LILRB5: variants seen among roughly 807,000 people sequenced by gnomAD.
LILRB5 encodes leukocyte immunoglobulin like receptor B5, also known as leukocyte immunoglobulin-like receptor subfamily B member 5.
Under a neutral mutation model 68.4 loss-of-function variants are expected in LILRB5, and 61 were observed. The ratio of observed to expected loss-of-function variants is 0.89; its 90% CI spans 0.73 to 1.10. The LOEUF is 1.10. LILRB5 is among the 50% of genes least tolerant of loss of function. LILRB5 has a pLI of 0.00. For synonymous variants in LILRB5, 356 were observed against 315.8 expected, an observed-to-expected ratio of 1.13 and a Z score of -1.35; for missense variants, 771 against 751.6, an observed-to-expected ratio of 1.03 and a Z score of -0.30.
At position 54,250,786 on chromosome 19, in the gene LILRB5, C is replaced by T. The variant is rs1569042213; in HGVS notation, c.1776G>A (p.Ter592=). Residue 592 remains the stop codon, a stop_retained_variant, in exon 13 of 13, where the codon TAG becomes TAA. Coordinates refer to ENST00000449561, the MANE Select transcript of LILRB5 (RefSeq NM_001081442.3). ...GTATGAGATCTGGGTCCCCCGTGGG[C>T]TAGTGGATGGCCAGGGGGGCGTAGA... ...PSIYAPLAIH[*] The T allele has an allele frequency of 1.9e-6, 3 of 1,614,010 alleles. No homozygotes were observed. Among genetic ancestry groups the T allele is most frequent in the South Asian group, 1.1e-5 (1 of 91,068 alleles).
intron 10 of LILRB5, 31 bp from the exon 11 acceptor site, chr19:54,252,434 G>A: frequency 6.2e-7 from 1 of 1,614,144 alleles, no homozygotes; most frequent in Non-Finnish European, 8.5e-7. Context: ...GTGAGGGGCA[G>A]TGAGGGGGCT....
In LILRB5 at chr19:54,256,765, G is replaced by A; in HGVS notation, c.79C>T (p.Pro27Ser). The change falls in exon 3 of 13, where the codon CCC (proline) becomes TCC (serine). Residue 27 changes from proline (P) to serine (S), a missense_variant. Coordinates refer to ENST00000449561, the MANE Select transcript of LILRB5 (RefSeq NM_001081442.3). Reference sequence around the variant, plus strand: ...GGCTCAGCCCAGAGGGTGGGTTTGGGGAGGGTGCCTAGAATGGAATCAGAG... The same window carrying A: ...GGCTCAGCCCAGAGGGTGGGTTTGGAGAGGGTGCCTAGAATGGAATCAGAG... ...PRTCVQAGTL[P>S]KPTLWAEPAS... 1 of 1,613,832 alleles carries A rather than the reference G, an allele frequency of 6.2e-7. No individual in the cohort carries two copies.
At chr19:54,251,678 T>C in intron 12 of LILRB5, 1 of 628,514 alleles carries the variant, frequency 1.6e-6, no homozygotes, top group Non-Finnish European at 3.0e-6. Flanking sequence ...TGCTCCCTGC[T>C]GTGTCTGCAG....
At chr19:54,253,993 C>A in intron 8 of LILRB5, 25 bp downstream of exon 8, 2 of 1,575,312 alleles carry the variant, frequency 1.3e-6, no homozygotes, top group Non-Finnish European at 1.7e-6. Flanking sequence ...CTCCGCCCAC[C>A]TCCCACTCAG....
At chr19:54,251,930 G>A (rs2078966637) in intron 12 of LILRB5, 124 bp downstream of exon 12, 2 of 1,038,192 alleles carry the variant, frequency 1.9e-6, no homozygotes, top group Admixed American at 3.4e-5. Flanking sequence ...GAGGCAGCGT[G>A]CTGGACAAGG....
chr19:54,250,425 A>C lies in LILRB5; in HGVS notation c.*361T>G. The stretch of plus-strand genomic sequence containing the variant: ...TCTTTCTGTCATTGCCAAGGTCATT[A>C]ATTACGTAGGTTTTATTCTTTTCTA... On this transcript the variant is annotated 3_prime_UTR_variant, in exon 13 of 13. Coordinates refer to ENST00000449561, the MANE Select transcript of LILRB5 (RefSeq NM_001081442.3). 2 of 208,980 alleles carry C rather than the reference A, an allele frequency of 9.6e-6. No individual in the cohort carries two copies. Among genetic ancestry groups the C allele is most frequent in the East Asian group, 2.3e-4 (2 of 8,718 alleles). 12.9% of individuals were successfully genotyped at this position (208,980 alleles called of 1,614,324 possible).
intron 6 of LILRB5, 59 bp downstream of exon 6, chr19:54,254,676 T>C (rs541278923): frequency 1.9e-6 from 3 of 1,596,952 alleles, no homozygotes; most frequent in Admixed American, 3.3e-5. Flanking sequence ...AGAGCTCTCC[T>C]GGGGGCAGGG....
chr19:54,252,837 G>C (rs201499936), intron 9 of LILRB5, 34 bp downstream of exon 9: 3 of 1,567,704 alleles, frequency 1.9e-6, no homozygotes, highest in Non-Finnish European at 2.6e-6. Context: ...GCCCACCCTC[G>C]GTCGGCCCAC....
At position 54,251,399 on chromosome 19, in the gene LILRB5, C is replaced by T. The variant is rs895355712; in HGVS notation, c.1630-467G>A. On this transcript the variant is annotated intron_variant, in intron 12 of 12. Coordinates refer to ENST00000449561, the MANE Select transcript of LILRB5 (RefSeq NM_001081442.3). ...CCTCACGGGCCTTCCCGCAAGAGCT[C>T]GCTGCTGCCTCGGGGCCTTTGCACG... is the stretch of plus-strand genomic sequence containing the variant. The T allele has an allele frequency of 1.1e-4, 71 of 634,654 alleles. 1 individual carries two copies. In the East Asian group the frequency reaches 1.7e-3, roughly 15 times the overall value. The allele number at this position is 634,654 out of a possible 1,614,324, so 39.3% of individuals were successfully genotyped here.
chr19:54,256,993 A>T lies in LILRB5; in HGVS notation c.38T>A (p.Leu13Gln), dbSNP rs1225929759. ...CACGCAGGTCCTGGGGCCCACACTC[A>T]GCCCTGGAAGAGAGTTCCCTGTGAG... ...LTLSVLICLGLSVGPRTCVQA... is the reference protein window; with the variant it reads ...LTLSVLICLGQSVGPRTCVQA... The change falls in exon 2 of 13, where the codon CTG (leucine) becomes CAG (glutamine). Residue 13 changes from leucine (L) to glutamine (Q), a missense_variant. Coordinates refer to ENST00000449561, the MANE Select transcript of LILRB5 (RefSeq NM_001081442.3). The T allele has an allele frequency of 1.2e-6, 2 of 1,614,206 alleles. No homozygotes were observed. Among genetic ancestry groups the T allele is most frequent in the Admixed American group, 3.3e-5 (2 of 60,026 alleles).
rs34611146 is a variant in LILRB5, at chr19:54,256,561, G to A, written c.283C>T (p.Arg95Ter). The change falls in exon 3 of 13, where the codon CGA becomes TGA. Residue 95 changes from arginine to a stop codon, truncating the protein, a stop_gained. Coordinates refer to ENST00000449561, the MANE Select transcript of LILRB5 (RefSeq NM_001081442.3). LOFTEE classifies it high-confidence loss of function. ...IPSTVYDSAGRYRCYYETPAG... is the reference protein window; with the variant it reads ...IPSTVYDSAG ...GGGGTCTCATAGTAGCAGCGGTATC[G>A]CCCTGCACTGTCATACACCGTGGAT... 1.9e-5 allele frequency: 30 copies of A among 1,614,006 alleles called. No individual in the cohort carries two copies. The East Asian group carries it at 4.0e-4, about 22-fold the overall frequency.
Position 54,254,975 on chromosome 19 carries a change from T to A in LILRB5, c.1015A>T (p.Asn339Tyr), listed in dbSNP as rs754539522. ...CATGACTGACACAGCAGGGTCACGT[T>A]CTCTCCTGAGGCCACCTTGGGGCCC... ...QPGPKVASGE[N>Y]VTLLCQSWHQ... Residue 339 changes from asparagine to tyrosine, a missense_variant, in exon 6 of 13, where the codon AAC becomes TAC. Physicochemically the swap from Asn to Tyr is moderately radical, Grantham distance 143. Transcript: ENST00000449561. 4 of 1,613,790 alleles carry A rather than the reference T, an allele frequency of 2.5e-6. No homozygotes were observed.
rs1333874796 is a variant in LILRB5, at chr19:54,255,329, A to G, written c.909T>C (p.Pro303=). The change falls in exon 5 of 13, where the codon CCT becomes CCC. Residue 303 remains proline, a synonymous_variant. Coordinates refer to ENST00000449561, the MANE Select transcript of LILRB5 (RefSeq NM_001081442.3). ...GGGGGTCGCTGGGGGCCGACCACCT[A>G]GGGGAGAGGTTGTGTGCACCGTAGC... The part of the protein sequence containing the change: ...YRCYGAHNLS[P]RWSAPSDPLD... 6.2e-7 allele frequency: 1 copy of G among 1,613,522 alleles called. No individual in the cohort carries two copies. The highest frequency in any genetic ancestry group is 8.5e-7 in the Non-Finnish European group (1 of 1,179,852).
intron 9 of LILRB5, 156 bp from the exon 10 acceptor site, chr19:54,252,705 T>C: frequency 9.9e-7 from 1 of 1,014,458 alleles, no homozygotes; most frequent in East Asian, 2.4e-5. Flanking sequence ...AATCAAGCAC[T>C]TCCACACATG....
At chr19:54,254,440 C>A in intron 6 of LILRB5, 25 bp from the exon 7 acceptor site, 1 of 1,567,762 alleles carries the variant, frequency 6.4e-7, no homozygotes, top group Non-Finnish European at 8.6e-7. Context: ...AGAAAGGGAG[C>A]GAGGCGCTTT....
rs201712713 is a variant in LILRB5 at position 54,256,806 on chromosome 19, A to T, written c.71-33T>A. On this transcript the variant is annotated intron_variant, in intron 2 of 12. Coordinates refer to ENST00000449561, the MANE Select transcript of LILRB5 (RefSeq NM_001081442.3). ...GGAATCAGAGGCTGGATCCCAAGAC[A>T]TCCCCATCCCTCAGATTCCAGCTCT... 56 of 1,611,322 alleles carry T rather than the reference A, an allele frequency of 3.5e-5. No individual in the cohort carries two copies. In the Admixed American group the frequency reaches 9.3e-4, roughly 27 times the overall value.
chr19:54,250,705 T>G lies in LILRB5; in HGVS notation c.*81A>C, dbSNP rs1442085760. On this transcript the variant is annotated 3_prime_UTR_variant, in exon 13 of 13. Coordinates refer to ENST00000449561, the MANE Select transcript of LILRB5 (RefSeq NM_001081442.3). ...GTCCAGGCTGGCTGGGGTTCATTGG[T>G]GTCCACTGGGGGCAGCTCCTGTGCC... 7.0e-6 allele frequency: 11 copies of G among 1,572,866 alleles called. No individual in the cohort carries two copies. The highest frequency in any genetic ancestry group is 9.5e-6 in the Non-Finnish European group (11 of 1,151,940).
chr19:54,249,969 G>C lies in LILRB5; in HGVS notation c.*817C>G, dbSNP rs143329665. On this transcript the variant is annotated 3_prime_UTR_variant, in exon 13 of 13. Transcript: ENST00000449561. ...AATCGCTTGAACCCGGGAGGCAGAG[G>C]TTGCAGTGAGCCGAGATCACTCCAC... 0.082 allele frequency: 12,472 copies of C among 152,366 alleles called. 557 individuals carry two copies. The highest frequency in any genetic ancestry group is 0.14 in the Admixed American group (2,090 of 15,286). The allele number at this position is 152,366 out of a possible 1,614,324, so 9.4% of individuals were successfully genotyped here.
intron 5 of LILRB5, 31 bp downstream of exon 5, chr19:54,255,255 G>A: frequency 6.2e-7 from 1 of 1,607,852 alleles, no homozygotes; most frequent in South Asian, 1.1e-5. Context: ...GCAGAGCCTG[G>A]GTCCCTGACT....
Sources: allele counts gnomAD v4.1 joint callset, GRCh38; gene constraint gnomAD v4.1.1; transcripts MANE v1.5; gene names NCBI Gene and HGNC (gene_info 2026-07-23, HGNC 2026-07-21).